The following NOX4 variants were observed in gnomAD, a reference collection of about 807,000 sequenced individuals.
NOX4 encodes NADPH oxidase 4.
A neutral mutation model predicts 87.6 loss-of-function variants in NOX4; 69 were observed. The observed-to-expected ratio is 0.79, with a 90% confidence interval of 0.65 to 0.96. NOX4 has a LOEUF of 0.96. Ranked by LOEUF, NOX4 falls within the 40% of genes least tolerant of loss-of-function variation. The pLI is 0.00. For missense variants in NOX4, 680 were observed against 681.5 expected (o/e 1.00, Z 0.02); for synonymous variants, 275 against 238.2 (o/e 1.15, Z -1.42).
intron 11 of NOX4, among the ~76,000 whole-genome samples, chr11:89,399,643 A>G (rs1305357383): frequency 6.8e-6 from 1 of 146,966 alleles, no homozygotes; most frequent in East Asian, 2.0e-4. Flanking sequence ...TTTTTTATTT[A>G]CTGTAGAAAC....
intron 2 of NOX4, among the ~76,000 whole-genome samples, chr11:89,475,830 A>T (rs1946142400): frequency 6.6e-6 from 1 of 152,074 alleles, no homozygotes; most frequent in Non-Finnish European, 1.5e-5. Context: ...CTGACCCTTT[A>T]ACACTACTAA....
At chr11:89,574,584 C>G in the NOX4 span, among the ~76,000 whole-genome samples, 1 of 152,110 alleles carries the variant, frequency 6.6e-6, no homozygotes, top group Admixed American at 6.5e-5. Flanking sequence ...TTGCCATTAC[C>G]AGAAGTCTAT....
At chr11:89,579,048 A>G in the NOX4 span, among the ~76,000 whole-genome samples, 1 of 152,228 alleles carries the variant, frequency 6.6e-6, no homozygotes, top group South Asian at 2.1e-4. Flanking sequence ...AAAGAAGCCA[A>G]TCTGAAAAAG....
chr11:89,464,899 G>A (rs1054765699), intron 2 of NOX4, among the ~76,000 whole-genome samples: 2 of 152,184 alleles, frequency 1.3e-5, no homozygotes, highest in Non-Finnish European at 2.9e-5. Context: ...CAATGTGATG[G>A]TATTTGGAGT....
At chr11:89,437,856 T>C (rs1381141918) in intron 6 of NOX4, among the ~76,000 whole-genome samples, 1 of 152,116 alleles carries the variant, frequency 6.6e-6, no homozygotes, top group Admixed American at 6.6e-5. Context: ...CAAGTATTTA[T>C]ACATAACATG....
intron 2 of NOX4, among the ~76,000 whole-genome samples, chr11:89,486,013 A>C (rs368343484): frequency 6.0e-4 from 91 of 152,252 alleles, no homozygotes; most frequent in South Asian, 4.8e-3. Flanking sequence ...AGAACCCCCA[A>C]TAAAACATAT....
At chr11:89,395,288 G>C (rs1258800350) in intron 11 of NOX4, among the ~76,000 whole-genome samples, 1 of 152,150 alleles carries the variant, frequency 6.6e-6, no homozygotes, top group Non-Finnish European at 1.5e-5. Context: ...TCTGTTGGCT[G>C]CATAAATGTC....
At chr11:89,535,945 C>T in the NOX4 span, among the ~76,000 whole-genome samples, 1 of 151,980 alleles carries the variant, frequency 6.6e-6, no homozygotes, top group Non-Finnish European at 1.5e-5. Context: ...AAGGAAATCC[C>T]ACGGTCTCTG....
the NOX4 span, among the ~76,000 whole-genome samples, chr11:89,585,902 A>C: frequency 6.6e-6 from 1 of 152,196 alleles, no homozygotes; most frequent in African/African-American, 2.4e-5. Context: ...CTACTATCTG[A>C]AATTTCTATG....
the NOX4 span, among the ~76,000 whole-genome samples, chr11:89,512,336 T>A: frequency 6.6e-6 from 1 of 152,080 alleles, no homozygotes; most frequent in Non-Finnish European, 1.5e-5. Flanking sequence ...ACAATATTAT[T>A]AACTGTAAGT....
At chr11:89,582,411 T>A in the NOX4 span, among the ~76,000 whole-genome samples, 5 of 152,106 alleles carry the variant, frequency 3.3e-5, no homozygotes, top group African/African-American at 9.7e-5. Context: ...AGAAGTGGGA[T>A]TGTTGGATCA....
At chr11:89,440,762 T>A (rs779477523) in intron 5 of NOX4, 47 bp from the exon 6 acceptor site, 2 of 1,094,910 alleles carry the variant, frequency 1.8e-6, no homozygotes, top group South Asian at 2.9e-5. Flanking sequence ...AAAGCACTGA[T>A]GATATATAAT....
intron 2 of NOX4, among the ~76,000 whole-genome samples, chr11:89,473,754 G>A (rs930797808): frequency 6.6e-6 from 1 of 151,804 alleles, no homozygotes; most frequent in African/African-American, 2.4e-5. Context: ...TAGCTAACTC[G>A]GCATGTCTTT....
intron 4 of NOX4, among the ~76,000 whole-genome samples, chr11:89,447,133 T>C (rs1341513965): frequency 2.0e-5 from 3 of 152,176 alleles, no homozygotes; most frequent in Non-Finnish European, 4.4e-5. Context: ...GTTTCCAAAG[T>C]AGTAAAACAA....
chr11:89,502,319 G>A (rs1384860281), upstream of NOX4, among the ~76,000 whole-genome samples: 1 of 152,046 alleles, frequency 6.6e-6, no homozygotes, highest in African/African-American at 2.4e-5. Flanking sequence ...ACTCAGGTAG[G>A]TGTGGGCATG....
At chr11:89,466,440 T>C (rs1346654506) in intron 2 of NOX4, among the ~76,000 whole-genome samples, 1 of 152,188 alleles carries the variant, frequency 6.6e-6, no homozygotes, top group Admixed American at 6.5e-5. Flanking sequence ...TTGTGAAAAG[T>C]AAACACAGTC....
upstream of NOX4, among the ~76,000 whole-genome samples, chr11:89,501,388 G>T (rs1008303860): frequency 2.6e-5 from 4 of 151,946 alleles, no homozygotes; most frequent in African/African-American, 9.7e-5. Flanking sequence ...GGTAGTTTTG[G>T]GTGGTATTAA....
At chr11:89,435,715 G>A (rs967527406) in intron 6 of NOX4, among the ~76,000 whole-genome samples, 3 of 152,028 alleles carry the variant, frequency 2.0e-5, no homozygotes, top group Admixed American at 1.3e-4. Flanking sequence ...AGGGCCAGAC[G>A]ACCCAGCCAA....
At chr11:89,425,532 ATATT>A (rs1374661580) in intron 7 of NOX4, among the ~76,000 whole-genome samples, 1 of 152,006 alleles carries the variant, frequency 6.6e-6, no homozygotes, top group Non-Finnish European at 1.5e-5. Context: ...TAATAACAGA[ATATT>A]TATTAACGTA....
Sources: allele counts gnomAD v4.1 joint callset (sites outside exome capture counted in the v4.1 genomes callset), GRCh38; gene constraint gnomAD v4.1.1; transcripts MANE v1.5; gene names NCBI Gene and HGNC (gene_info 2026-07-23, HGNC 2026-07-21).